IL17RD: variants seen among roughly 807,000 people sequenced by gnomAD.
The protein encoded by IL17RD is interleukin 17 receptor D.
Under a neutral mutation model 80.5 loss-of-function variants are expected in IL17RD, and 52 were observed. The ratio of observed to expected loss-of-function variants is 0.65; its 90% CI spans 0.52 to 0.81. The LOEUF (loss-of-function observed/expected upper bound fraction) is 0.81. Ranked by LOEUF, IL17RD falls within the 40% of genes least tolerant of loss-of-function variation. The probability of loss-of-function intolerance (pLI) is 0.00; values close to 1 mark genes in which losing one functional copy is unlikely to be tolerated. For synonymous variants in IL17RD, 416 were observed against 391.8 expected (o/e 1.06, Z -0.73); for missense variants, 1,024 against 955.1 (o/e 1.07, Z -0.95).
rs1025365591 is a variant in IL17RD at position 57,102,516 on chromosome 3, C to T, written c.942G>A (p.Ala314=). ...TVPLVVISAF[A]TLFTVMCRKK... ...TGCGGCACATCACAGTGAAGAGCGTCGCGAATGCCGATATGACTACCAGTG... is the reference window on the plus strand; with the variant it reads ...TGCGGCACATCACAGTGAAGAGCGTTGCGAATGCCGATATGACTACCAGTG... The change falls in exon 10 of 13, where the codon GCG becomes GCA. Residue 314 remains alanine, a synonymous_variant. Coordinates refer to ENST00000296318, the MANE Select transcript of IL17RD (RefSeq NM_017563.5). 9.5e-6 allele frequency: 15 copies of T among 1,578,854 alleles called. No homozygotes were observed. Among genetic ancestry groups the T allele is most frequent in the East Asian group, 2.3e-5 (1 of 43,988 alleles).
intron 2 of IL17RD, 50 bp from the exon 3 acceptor site, chr3:57,114,867 T>C: frequency 6.9e-7 from 1 of 1,440,540 alleles, no homozygotes; most frequent in Non-Finnish European, 9.3e-7. Flanking sequence ...TTCATTTTTA[T>C]TTTCAGGTTC....
chr3:57,103,079 A>C lies in IL17RD; in HGVS notation c.868+12T>G. 6.3e-7 allele frequency: 1 copy of C among 1,584,972 alleles called. No individual in the cohort carries two copies. Among genetic ancestry groups the C allele is most frequent in the Non-Finnish European group, 8.6e-7 (1 of 1,163,126 alleles). ...TAGTCTAGAGCCAAATTTCAAACAAAAAAGCACCTACCTGGCTTTAAGGCA... is the reference window on the plus strand; with the variant it reads ...TAGTCTAGAGCCAAATTTCAAACAACAAAGCACCTACCTGGCTTTAAGGCA... On this transcript the variant is annotated intron_variant, in intron 9 of 12. Transcript: ENST00000296318.
intron 7 of IL17RD, among the ~76,000 whole-genome samples, chr3:57,105,552 A>AAAAAAAAAAAAAAAAATAT: frequency 8.2e-4 from 52 of 63,576 alleles, no homozygotes; most frequent in South Asian, 1.2e-3. Context: ...AAAAAAAAAA[A>AAAAAAAAAAAAAAAAATAT]ATATATATAT....
chr3:57,167,784 G>A (rs544913217), upstream of IL17RD, among the ~76,000 whole-genome samples: 5 of 152,146 alleles, frequency 3.3e-5, no homozygotes, highest in Non-Finnish European at 7.4e-5. Flanking sequence ...CTCTGGTTGC[G>A]AATGAGGTAG....
At chr3:57,114,616 G>T in intron 3 of IL17RD, 76 bp downstream of exon 3, 1 of 1,393,370 alleles carries the variant, frequency 7.2e-7, no homozygotes, top group South Asian at 1.5e-5. Context: ...GGTTCCTGGA[G>T]ACCATCATGT....
chr3:57,117,454 C>T (rs1167510969), intron 2 of IL17RD, among the ~76,000 whole-genome samples: 13 of 152,134 alleles, frequency 8.5e-5, no homozygotes, highest in Non-Finnish European at 5.9e-5. Context: ...ATATAACCTA[C>T]TTGGGCATAC....
chr3:57,131,461 G>T (rs570313255), intron 1 of IL17RD, among the ~76,000 whole-genome samples: 147 of 152,300 alleles, frequency 9.7e-4, no homozygotes, highest in Middle Eastern at 3.4e-3. Context: ...ATCAACCACA[G>T]GTGCACTCTG....
intron 7 of IL17RD, 90 bp downstream of exon 7, chr3:57,105,767 C>G: frequency 9.2e-7 from 1 of 1,082,192 alleles, no homozygotes; most frequent in Non-Finnish European, 1.3e-6. Flanking sequence ...CCAACAAAGC[C>G]TAATGCTCAC....
At chr3:57,163,793 C>A (rs59512023) in intron 1 of IL17RD, among the ~76,000 whole-genome samples, 1 of 21,708 alleles carries the variant, frequency 4.6e-5, no homozygotes, top group African/African-American at 3.0e-4. Flanking sequence ...GGCGGGGGGG[C>A]GGGGGGGGAA....
intron 1 of IL17RD, among the ~76,000 whole-genome samples, chr3:57,122,169 C>T (rs1163422948): frequency 1.3e-5 from 2 of 152,138 alleles, no homozygotes; most frequent in Admixed American, 6.5e-5. Flanking sequence ...ACAAGACAGC[C>T]CTTGAGTAAG....
chr3:57,165,391 G>A (rs542119291), upstream of IL17RD: 3 of 987,690 alleles, frequency 3.0e-6, no homozygotes, highest in African/African-American at 5.2e-5. Flanking sequence ...CAGCGAAGGG[G>A]ACCGCACTGG....
chr3:57,097,589 A>G lies in IL17RD; in HGVS notation c.2107+7T>C. The G allele has an allele frequency of 6.4e-7, 1 of 1,564,558 alleles. No homozygotes were observed. The highest frequency in any genetic ancestry group is 1.4e-5 in the African/African-American group (1 of 73,772). On this transcript the variant is annotated splice_region_variant and intron_variant, in intron 12 of 12. Transcript: ENST00000296318. Reference sequence around the variant, plus strand: ...CCTGTTAGGACCCGGCCCCAAAGGCACCTTACCCAGGCCTGAAGAGGAGGA... The same window carrying G: ...CCTGTTAGGACCCGGCCCCAAAGGCGCCTTACCCAGGCCTGAAGAGGAGGA...
chr3:57,097,683 G>A lies in IL17RD; in HGVS notation c.2020C>T (p.Leu674=). The change falls in exon 12 of 13, where the codon CTG becomes TTG. Residue 674 remains leucine (L), a synonymous_variant. Transcript: ENST00000296318. Reference sequence around the variant, plus strand: ...AGTCCTTCCATCAGTGGCAGAGACAGCTCGGATGAGGGCACAGACGAGTCA... The same window carrying A: ...AGTCCTTCCATCAGTGGCAGAGACAACTCGGATGAGGGCACAGACGAGTCA... ...IYDSSVPSSE[L]SLPLMEGLST... 1 of 1,605,966 alleles carries A rather than the reference G, an allele frequency of 6.2e-7. No individual in the cohort carries two copies. Among genetic ancestry groups the A allele is most frequent in the Admixed American group, 1.7e-5 (1 of 58,796 alleles).
At chr3:57,103,215 T>C (rs1706877915) in intron 8 of IL17RD, 70 bp from the exon 9 acceptor site, 1 of 1,321,964 alleles carries the variant, frequency 7.6e-7, no homozygotes, top group East Asian at 2.5e-5. Context: ...AAAAAAATGG[T>C]AATTTCATTC....
intron 1 of IL17RD, among the ~76,000 whole-genome samples, chr3:57,148,268 T>C (rs1003479302): frequency 6.9e-6 from 1 of 145,484 alleles, no homozygotes; most frequent in African/African-American, 2.6e-5. Context: ...GAGGTTGCAG[T>C]GAGCCAAGAT....
intron 1 of IL17RD, among the ~76,000 whole-genome samples, chr3:57,156,931 T>A (rs999901065): frequency 6.6e-6 from 1 of 152,180 alleles, no homozygotes; most frequent in Non-Finnish European, 1.5e-5. Flanking sequence ...CCACGAACCA[T>A]TGAAATTCAA....
At chr3:57,112,607 A>G (rs1193878368) in intron 3 of IL17RD, among the ~76,000 whole-genome samples, 9 of 152,346 alleles carry the variant, frequency 5.9e-5, no homozygotes, top group Non-Finnish European at 4.4e-5. Context: ...TAACCATTTA[A>G]GCCTTACATG....
At chr3:57,169,618 T>G (rs551985661), upstream of IL17RD, among the ~76,000 whole-genome samples, 27 of 152,336 alleles carry the variant, frequency 1.8e-4, no homozygotes, top group South Asian at 5.4e-3. Context: ...TAAATACTAT[T>G]TTAATGAACA....
At position 57,098,431 on chromosome 3, in the gene IL17RD, T is replaced by G; in HGVS notation, c.1272A>C (p.Lys424Asn). Reference sequence around the variant, plus strand: ...TCTTGTCCACAAAGTACTTCATACCTTTGGAACAAACCACAATGATGAACT... The same window carrying G: ...TCTTGTCCACAAAGTACTTCATACCGTTGGAACAAACCACAATGATGAACT... Reference protein sequence around the residue: ...ESQFIIVVCSKGMKYFVDKKN... With the variant: ...ESQFIIVVCSNGMKYFVDKKN... Residue 424 changes from lysine (K) to asparagine (N), a missense_variant, in exon 12 of 13, where the codon AAA becomes AAC. Physicochemically the swap from Lys to Asn is moderately conservative, Grantham distance 94. Transcript: ENST00000296318. The G allele has an allele frequency of 1.2e-6, 2 of 1,613,988 alleles. No homozygotes were observed. The highest frequency in any genetic ancestry group is 1.1e-5 in the South Asian group (1 of 91,072).
Sources: gnomAD v4.1 joint callset for allele counts (sites outside exome capture counted in the v4.1 genomes callset) on GRCh38, gnomAD v4.1.1 for gene constraint, MANE v1.5 for transcripts, NCBI Gene and HGNC (gene_info 2026-07-23, HGNC 2026-07-21) for gene names.